CTNNA2: variants seen among roughly 807,000 people sequenced by gnomAD.
CTNNA2 encodes the protein catenin alpha-2.
A neutral mutation model predicts 101.0 loss-of-function variants in CTNNA2; 42 were observed. The ratio of observed to expected loss-of-function variants is 0.42; its 90% CI spans 0.32 to 0.54. CTNNA2 has a LOEUF of 0.54. Ranked by LOEUF, CTNNA2 falls within the 20% of genes least tolerant of loss-of-function variation. The pLI is 0.14. For synonymous variants in CTNNA2, 450 were observed against 456.4 expected (o/e 0.99, Z 0.18); for missense variants, 871 against 1,223.1 (o/e 0.71, Z 4.29).
At chr2:79,305,235 C>T (rs1676206648) in intron 2 of CTNNA2, among the ~76,000 whole-genome samples, 2 of 151,244 alleles carry the variant, frequency 1.3e-5, no homozygotes, top group Non-Finnish European at 1.5e-5. Context: ...TATATATACA[C>T]ACACACACAC....
At position 79,277,877 on chromosome 2, in the gene CTNNA2, GCATTTTTCAAACTGTGCTCCAAAGCC is replaced by G. The variant is rs1342386886; in HGVS notation, c.-405-34830_-405-34805del. On this transcript the variant is annotated intron_variant, in intron 2 of 21. Transcript: ENST00000466387. ...AATAAAGTACATTTTGACCTAATCT[GCATTTTTCAAACTGTGCTCCAAAGCC>G]CTCTAGAGGTTGCAAATGTGAGTGA... Among the ~76,000 whole-genome samples the G allele has an allele frequency of 5.3e-5, 8 of 152,130 alleles. No homozygotes were observed. The East Asian group carries it at 1.6e-3, about 30-fold the overall frequency.
chr2:79,364,461 A>G (rs1261521044), intron 3 of CTNNA2, among the ~76,000 whole-genome samples: 1 of 152,214 alleles, frequency 6.6e-6, no homozygotes, highest in African/African-American at 2.4e-5. Flanking sequence ...CTTTCAGAAT[A>G]CAGTTTATCT....
chr2:80,210,999 C>G (rs556721499), intron 7 of CTNNA2, among the ~76,000 whole-genome samples: 1 of 152,140 alleles, frequency 6.6e-6, no homozygotes, highest in Non-Finnish European at 1.5e-5. Context: ...TGTCTGTTGG[C>G]TGCATAAATG....
chr2:79,802,514 G>T (rs1448869698), intron 3 of CTNNA2, among the ~76,000 whole-genome samples: 2 of 152,128 alleles, frequency 1.3e-5, no homozygotes, highest in Non-Finnish European at 2.9e-5. Context: ...TGACCCCAAG[G>T]TTACAAAGTG....
chr2:79,462,710 G>A (rs1393396153), intron 4 of CTNNA2, among the ~76,000 whole-genome samples: 2 of 152,248 alleles, frequency 1.3e-5, no homozygotes, highest in African/African-American at 4.8e-5. Context: ...GAGGGGAACA[G>A]AGATGTACCT....
rs114844424 is a variant in CTNNA2 at position 79,482,057 on chromosome 2, T to C, written c.-134-22997T>C. Among the ~76,000 whole-genome samples the C allele has an allele frequency of 4.8e-3, 733 of 152,348 alleles. 11 individuals carry two copies. The highest frequency in any genetic ancestry group is 0.017 in the African/African-American group (691 of 41,576). ...GTTGTGGCATAGATTCAGAGTAAGA[T>C]TTTTATTTTCAGAATTTTAAAATAC... On this transcript the variant is annotated intron_variant, in intron 4 of 21. Coordinates refer to the CTNNA2 transcript ENST00000466387.
At chr2:80,252,212 C>T (rs1000625064) in intron 7 of CTNNA2, among the ~76,000 whole-genome samples, 1 of 152,112 alleles carries the variant, frequency 6.6e-6, no homozygotes, top group African/African-American at 2.4e-5. Context: ...TATTTACTGA[C>T]CCTCTTAATA....
intron 4 of CTNNA2, among the ~76,000 whole-genome samples, chr2:79,386,386 C>A (rs923988967): frequency 1.3e-5 from 2 of 152,148 alleles, no homozygotes; most frequent in Admixed American, 6.5e-5. Context: ...CATTTGGGAG[C>A]TGATGGTTTA....
chr2:80,340,649 C>G (rs1333834950), intron 7 of CTNNA2, among the ~76,000 whole-genome samples: 2 of 152,154 alleles, frequency 1.3e-5, no homozygotes, highest in East Asian at 3.8e-4. Flanking sequence ...CTCATTCTAT[C>G]TCCTGTGTGG....
chr2:80,317,719 A>G (rs1351837999), intron 7 of CTNNA2, among the ~76,000 whole-genome samples: 1 of 152,064 alleles, frequency 6.6e-6, no homozygotes, highest in East Asian at 1.9e-4. Context: ...ACATTCAGAA[A>G]TCTCGTTTTG....
intron 7 of CTNNA2, among the ~76,000 whole-genome samples, chr2:80,364,393 T>TAA (rs1395639560): frequency 2.6e-5 from 4 of 152,084 alleles, no homozygotes; most frequent in Non-Finnish European, 5.9e-5. Context: ...TTTCCCTTTT[T>TAA]AAAACACAGT....
At chr2:79,274,912 G>A (rs1032631031) in intron 2 of CTNNA2, among the ~76,000 whole-genome samples, 1 of 151,998 alleles carries the variant, frequency 6.6e-6, no homozygotes, top group Non-Finnish European at 1.5e-5. Context: ...GCTGTTAAAT[G>A]CTCTTGAATC....
At chr2:79,226,395 G>A (rs953405831) in intron 2 of CTNNA2, among the ~76,000 whole-genome samples, 1 of 152,110 alleles carries the variant, frequency 6.6e-6, no homozygotes, top group East Asian at 1.9e-4. Flanking sequence ...GGTCGTGTAT[G>A]TAAAGTGCTT....
At chr2:80,373,494 T>C (rs1043623483) in intron 7 of CTNNA2, among the ~76,000 whole-genome samples, 3 of 152,206 alleles carry the variant, frequency 2.0e-5, no homozygotes, top group Admixed American at 6.5e-5. Context: ...ACATAGCATA[T>C]AGAAGTTCTA....
In CTNNA2 at chr2:80,359,023, AT is replaced by A. The variant is rs1212212291; in HGVS notation, c.1057-34182del. ...TTTTTAGAATTGAACATTTTTATTG[AT>A]TTTTTGACTCCATTACTGTAGGCTC... On this transcript the variant is annotated intron_variant, in intron 7 of 18. Coordinates refer to ENST00000402739, the MANE Select transcript of CTNNA2 (RefSeq NM_001282597.3). 4.6e-5 allele frequency among the ~76,000 whole-genome samples: 7 copies of A among 152,096 alleles called. No individual in the cohort carries two copies. The South Asian group carries it at 1.5e-3, about 32-fold the overall frequency.
chr2:79,599,341 A>G (rs1677400054), intron 1 of CTNNA2, among the ~76,000 whole-genome samples: 1 of 152,196 alleles, frequency 6.6e-6, no homozygotes, highest in Admixed American at 6.5e-5. Flanking sequence ...ACCTATAAGT[A>G]TTAAGGATAT....
chr2:80,433,483 A>G (rs1240073225), intron 9 of CTNNA2, among the ~76,000 whole-genome samples: 9 of 152,068 alleles, frequency 5.9e-5, no homozygotes, highest in Admixed American at 5.9e-4. Context: ...AGCTAGATAC[A>G]GTGCAGGAGG....
At chr2:79,601,844 C>G (rs1240059372) in intron 1 of CTNNA2, among the ~76,000 whole-genome samples, 6 of 152,288 alleles carry the variant, frequency 3.9e-5, no homozygotes, top group Middle Eastern at 3.4e-3. Flanking sequence ...ATGTCCCCAC[C>G]ATAAGTTGAA....
At chr2:80,073,222 G>GA (rs1227913686) in intron 7 of CTNNA2, among the ~76,000 whole-genome samples, 2 of 152,106 alleles carry the variant, frequency 1.3e-5, no homozygotes, top group Admixed American at 1.3e-4. Context: ...ACTAATCAAA[G>GA]AAAAAAATAT....
Sources: allele counts gnomAD v4.1 joint callset (sites outside exome capture counted in the v4.1 genomes callset), GRCh38; gene constraint gnomAD v4.1.1; transcripts MANE v1.5; gene names NCBI Gene and HGNC (gene_info 2026-07-23, HGNC 2026-07-21).